Variants in AGPAT5 observed in about 807,000 individuals in gnomAD.
The protein encoded by AGPAT5 is 1-acylglycerol-3-phosphate O-acyltransferase 5.
In AGPAT5, 46 loss-of-function variants were observed where a neutral mutation model predicts 45.6. The observed-to-expected ratio is 1.01, with a 90% CI of 0.80 to 1.29. AGPAT5 has a LOEUF of 1.29. Ranked by LOEUF, AGPAT5 falls within the 50% of genes most tolerant of loss-of-function variation. The probability of loss-of-function intolerance (pLI) is 0.00; values close to 1 mark genes in which losing one functional copy is unlikely to be tolerated. For missense variants in AGPAT5, 673 were observed against 450.7 expected, an observed-to-expected ratio of 1.49 and a Z score of -4.47; for synonymous variants, 272 against 167.0, an observed-to-expected ratio of 1.63 and a Z score of -4.85.
chr8:6,755,271 CAAG>C, intron 7 of AGPAT5, 97 bp downstream of exon 7: 1 of 1,259,732 alleles, frequency 7.9e-7, no homozygotes, highest in African/African-American at 1.6e-5. Flanking sequence ...TATATTGTCT[CAAG>C]AATACATTTT....
intron 6 of AGPAT5, 151 bp downstream of exon 6, chr8:6,747,979 C>T (rs1029887420): frequency 1.5e-4 from 130 of 866,038 alleles, no homozygotes; most frequent in Non-Finnish European, 1.9e-4. Context: ...TAAGATGTAA[C>T]AGTGGAGATT....
chr8:6,718,432 A>C (rs1800402401), intron 1 of AGPAT5, among the ~76,000 whole-genome samples: 1 of 152,196 alleles, frequency 6.6e-6, no homozygotes, highest in Non-Finnish European at 1.5e-5. Flanking sequence ...GGCAGAACCC[A>C]CAGTCTACAA....
rs1013169837 is a variant in AGPAT5 at position 6,759,271 on chromosome 8, A to G, written c.*1883A>G. 6.6e-6 allele frequency: 1 copy of G among 152,216 alleles called. No homozygotes were observed. Among genetic ancestry groups the G allele is most frequent in the Non-Finnish European group, 1.5e-5 (1 of 68,040 alleles). The allele number at this position is 152,216 out of a possible 1,614,324, so 9.4% of individuals were successfully genotyped here. The stretch of plus-strand genomic sequence containing the variant: ...TTTGAGAGGCAATACTGTTGGAATT[A>G]TGTGGATTCTAACTCATTTTAACAA... On this transcript the variant is annotated 3_prime_UTR_variant, in exon 8 of 8. Coordinates refer to ENST00000285518, the MANE Select transcript of AGPAT5 (RefSeq NM_018361.5).
chr8:6,736,565 G>C (rs1188146789), intron 4 of AGPAT5, among the ~76,000 whole-genome samples: 3 of 152,178 alleles, frequency 2.0e-5, no homozygotes, highest in Admixed American at 2.0e-4. Flanking sequence ...TGTTTGCTTT[G>C]TTATCTTCCT....
intron 2 of AGPAT5, among the ~76,000 whole-genome samples, chr8:6,727,276 C>T (rs937529411): frequency 6.6e-6 from 1 of 152,172 alleles, no homozygotes; most frequent in East Asian, 1.9e-4. Flanking sequence ...ATCCTTGTCT[C>T]TACATTCTGT....
At position 6,744,537 on chromosome 8, in the gene AGPAT5, G is replaced by A. The variant is rs530638439; in HGVS notation, c.586+2786G>A. On this transcript the variant is annotated intron_variant, in intron 5 of 7. Coordinates refer to ENST00000285518, the MANE Select transcript of AGPAT5 (RefSeq NM_018361.5). ...AGGCTTGGGGGGATCTTGTTCTCCT[G>A]TACGGGGTCCTGTGCTTGGTTCGGG... Among the ~76,000 whole-genome samples, 3 of 152,292 alleles carry A rather than the reference G, an allele frequency of 2.0e-5. No individual in the cohort carries two copies. The South Asian group carries it at 6.2e-4, about 32-fold the overall frequency.
At chr8:6,733,875 G>A (rs1156283546) in intron 4 of AGPAT5, among the ~76,000 whole-genome samples, 1 of 152,194 alleles carries the variant, frequency 6.6e-6, no homozygotes, top group Non-Finnish European at 1.5e-5. Flanking sequence ...TGCCTTTTGG[G>A]TGATGTTGGC....
At position 6,713,564 on chromosome 8, in the gene AGPAT5, T is replaced by C. The variant is rs1414536962; in HGVS notation, c.219+4677T>C. 3.9e-5 allele frequency among the ~76,000 whole-genome samples: 6 copies of C among 152,196 alleles called. No homozygotes were observed. The East Asian group carries it at 1.2e-3, about 29-fold the overall frequency. On this transcript the variant is annotated intron_variant, in intron 1 of 7. Transcript: ENST00000285518. ...TTAACTTCTCCAAGGATTCATACTT[T>C]TTTTTGTAAGACAGAATCTCACACT...
intron 4 of AGPAT5, among the ~76,000 whole-genome samples, chr8:6,736,359 A>T (rs114457580): frequency 6.6e-6 from 1 of 152,174 alleles, no homozygotes; most frequent in African/African-American, 2.4e-5. Flanking sequence ...AGTGTTTTAA[A>T]TTATTGTTTT....
chr8:6,732,647 T>G lies in AGPAT5; in HGVS notation c.492T>G (p.Thr164=), dbSNP rs765873406. 3.7e-6 allele frequency: 6 copies of G among 1,602,408 alleles called. No homozygotes were observed. The South Asian group carries it at 6.8e-5, about 18-fold the overall frequency. Residue 164 remains threonine, a synonymous_variant, in exon 4 of 8, where the codon ACT becomes ACG. Coordinates refer to ENST00000285518, the MANE Select transcript of AGPAT5 (RefSeq NM_018361.5). The part of the protein sequence containing the change: ...NKLQSYVDAG[T]PMYLVIFPEG... ...TGCAGAGCTACGTGGACGCAGGAACTCCAGTAAGAGCCTACCCGTTTTTAT... is the reference window on the plus strand; with the variant it reads ...TGCAGAGCTACGTGGACGCAGGAACGCCAGTAAGAGCCTACCCGTTTTTAT...
chr8:6,741,619 A>G, intron 4 of AGPAT5, 42 bp from the exon 5 acceptor site: 1 of 1,409,906 alleles, frequency 7.1e-7, no homozygotes, highest in Non-Finnish European at 9.8e-7. Context: ...AACAAAAACA[A>G]AGCTCACACA....
Position 6,708,754 on chromosome 8 carries a change from T to A in AGPAT5, c.86T>A (p.Val29Glu). 1.9e-6 allele frequency: 3 copies of A among 1,608,656 alleles called. No individual in the cohort carries two copies. The highest frequency in any genetic ancestry group is 2.5e-6 in the Non-Finnish European group (3 of 1,179,670). Residue 29 changes from valine (V) to glutamate (E), a missense_variant, in exon 1 of 8, where the codon GTG (valine) becomes GAG (glutamate). Coordinates refer to ENST00000285518, the MANE Select transcript of AGPAT5 (RefSeq NM_018361.5). ...VVLLGTAPTY[V>E]LAWGVWRLLS... ...CTCCTGGGCACGGCGCCCACCTACG[T>A]GTTGGCCTGGGGGGTCTGGCGGCTG...
intron 5 of AGPAT5, among the ~76,000 whole-genome samples, chr8:6,746,953 T>C (rs1035953605): frequency 6.6e-6 from 1 of 152,206 alleles, no homozygotes; most frequent in East Asian, 1.9e-4. Context: ...TTCTGGATAA[T>C]TGCAGTAGTC....
intron 7 of AGPAT5, among the ~76,000 whole-genome samples, 198 bp from the exon 8 acceptor site, chr8:6,756,965 C>T (rs1466784532): frequency 6.6e-6 from 1 of 152,214 alleles, no homozygotes; most frequent in African/African-American, 2.4e-5. Flanking sequence ...TTCATGTATA[C>T]TAATCATAGA....
At chr8:6,751,413 G>T (rs1801650871) in intron 6 of AGPAT5, among the ~76,000 whole-genome samples, 1 of 152,156 alleles carries the variant, frequency 6.6e-6, no homozygotes, top group Non-Finnish European at 1.5e-5. Flanking sequence ...GAACATGCAG[G>T]GCCTCTGCTC....
At chr8:6,745,919 C>G (rs1801435496) in intron 5 of AGPAT5, 1 of 152,072 alleles carries the variant, frequency 6.6e-6, no homozygotes, top group Non-Finnish European at 1.5e-5. Flanking sequence ...CTCAGTATGC[C>G]CAATTTGAAC....
At chr8:6,731,318 C>T (rs1244493149) in intron 3 of AGPAT5, among the ~76,000 whole-genome samples, 1 of 151,940 alleles carries the variant, frequency 6.6e-6, no homozygotes, top group Admixed American at 6.5e-5. Context: ...TGCGGTTTTC[C>T]TTCAGCATCT....
chr8:6,745,003 C>T (rs879787537), intron 5 of AGPAT5, among the ~76,000 whole-genome samples: 17 of 152,300 alleles, frequency 1.1e-4, no homozygotes, highest in Admixed American at 1.1e-3. Flanking sequence ...TTTTATTTTT[C>T]TCCTTTTGAC....
chr8:6,723,465 C>G (rs1475986060), intron 1 of AGPAT5, among the ~76,000 whole-genome samples: 1 of 149,148 alleles, frequency 6.7e-6, no homozygotes, highest in Non-Finnish European at 1.5e-5. Context: ...CCCGCCCACT[C>G]CACCTCAGCC....
Sources: gnomAD v4.1 joint callset for allele counts (sites outside exome capture counted in the v4.1 genomes callset) on GRCh38, gnomAD v4.1.1 for gene constraint, MANE v1.5 for transcripts, NCBI Gene and HGNC (gene_info 2026-07-23, HGNC 2026-07-21) for gene names.